CTNNA2: variants seen among roughly 807,000 people sequenced by gnomAD.
The protein encoded by CTNNA2 is catenin alpha 2, also known as catenin alpha-2.
In CTNNA2, 42 loss-of-function variants were observed where a neutral mutation model predicts 101.0. That is an observed-to-expected ratio of 0.42 (90% confidence interval 0.32 to 0.54). The LOEUF (loss-of-function observed/expected upper bound fraction) is 0.54, where lower values mean the gene tolerates loss of function less well. Ranked by LOEUF, CTNNA2 falls within the 20% of genes least tolerant of loss-of-function variation. The pLI, the probability that CTNNA2 is intolerant of heterozygous loss-of-function variation, is 0.14. For missense variants in CTNNA2, 871 were observed against 1,223.1 expected, an observed-to-expected ratio of 0.71 and a Z score of 4.29; for synonymous variants, 450 against 456.4, an observed-to-expected ratio of 0.99 and a Z score of 0.18.
At chr2:80,463,306 T>C (rs6715806) in intron 9 of CTNNA2, among the ~76,000 whole-genome samples, 53,701 of 152,018 alleles carry the variant, frequency 0.35, 10,443 homozygotes, top group East Asian at 0.75. Context: ...ACACCCCCCT[T>C]AATAGTCGCC....
intron 7 of CTNNA2, among the ~76,000 whole-genome samples, chr2:80,329,622 C>T (rs755579790): frequency 5.3e-5 from 8 of 152,164 alleles, no homozygotes; most frequent in African/African-American, 7.2e-5. Flanking sequence ...CCTACCTTAA[C>T]AAGTCAGGAC....
At chr2:79,869,361 T>C (rs1682407268) in intron 4 of CTNNA2, among the ~76,000 whole-genome samples, 1 of 152,248 alleles carries the variant, frequency 6.6e-6, no homozygotes, top group Non-Finnish European at 1.5e-5. Context: ...GTGCTAGAGA[T>C]GTTGTCAACA....
intron 1 of CTNNA2, among the ~76,000 whole-genome samples, chr2:79,522,711 C>T (rs1031100328): frequency 1.3e-5 from 2 of 152,120 alleles, no homozygotes; most frequent in Non-Finnish European, 2.9e-5. Context: ...AAATCACATT[C>T]AGGAGAACTA....
intron 7 of CTNNA2, among the ~76,000 whole-genome samples, chr2:80,326,970 T>TTC (rs967665675): frequency 1.8e-4 from 27 of 152,158 alleles, no homozygotes; most frequent in Non-Finnish European, 3.2e-4. Flanking sequence ...GAAACCTGGT[T>TTC]TCTCTCTCTA....
intron 3 of CTNNA2, among the ~76,000 whole-genome samples, chr2:79,332,339 T>C (rs1442459516): frequency 6.6e-6 from 1 of 150,420 alleles, no homozygotes; most frequent in Non-Finnish European, 1.5e-5. Flanking sequence ...ACTTCTGGAA[T>C]TAAGCAATGT....
intron 7 of CTNNA2, among the ~76,000 whole-genome samples, chr2:80,306,724 G>A (rs532757688): frequency 6.6e-5 from 10 of 151,978 alleles, no homozygotes; most frequent in Admixed American, 3.9e-4. Flanking sequence ...GGAGGCACCC[G>A]CAGGGTTAAA....
intron 4 of CTNNA2, among the ~76,000 whole-genome samples, chr2:79,436,917 C>T (rs1276335161): frequency 1.3e-5 from 2 of 151,922 alleles, no homozygotes; most frequent in African/African-American, 4.8e-5. Context: ...AGGCGTGAGC[C>T]ACCATGCCCG....
At chr2:80,076,445 G>A (rs1698757626) in intron 7 of CTNNA2, among the ~76,000 whole-genome samples, 1 of 151,702 alleles carries the variant, frequency 6.6e-6, no homozygotes, top group South Asian at 2.1e-4. Context: ...TGCCTGGCTA[G>A]TTTTTCTTTC....
intron 12 of CTNNA2, among the ~76,000 whole-genome samples, chr2:80,565,597 G>A (rs2149683691): frequency 6.6e-5 from 1 of 15,152 alleles, no homozygotes; most frequent in South Asian, 1.1e-3. Flanking sequence ...ATTTTGCCTG[G>A]TAGAAACAGT....
At chr2:79,983,877 C>T (rs986379058) in intron 7 of CTNNA2, among the ~76,000 whole-genome samples, 32 of 152,216 alleles carry the variant, frequency 2.1e-4, no homozygotes, top group African/African-American at 6.3e-4. Context: ...AACTGACTCA[C>T]GTTTATACCA....
chr2:80,092,489 T>C (rs557261255), intron 7 of CTNNA2, among the ~76,000 whole-genome samples: 35 of 152,208 alleles, frequency 2.3e-4, no homozygotes, highest in African/African-American at 8.2e-4. Context: ...GGATTTTCTT[T>C]AGAGTGATGA....
chr2:80,596,052 G>C (rs779962732), intron 15 of CTNNA2, among the ~76,000 whole-genome samples: 43 of 151,912 alleles, frequency 2.8e-4, no homozygotes, highest in Non-Finnish European at 7.4e-5. Flanking sequence ...GCAGTGGTTT[G>C]TAGTTCTCAT....
At chr2:79,372,968 A>G (rs772683049) in intron 3 of CTNNA2, among the ~76,000 whole-genome samples, 5 of 152,218 alleles carry the variant, frequency 3.3e-5, no homozygotes. Context: ...ACTGGGAAAT[A>G]TAGCTCCCTA....
chr2:80,179,096 T>TCA, intron 7 of CTNNA2, among the ~76,000 whole-genome samples: 1 of 152,228 alleles, frequency 6.6e-6, no homozygotes, highest in Non-Finnish European at 1.5e-5. Context: ...TTGCTGGTCT[T>TCA]GACAGCTGAA....
At chr2:79,522,745 C>T (rs975944087) in intron 1 of CTNNA2, among the ~76,000 whole-genome samples, 4 of 152,172 alleles carry the variant, frequency 2.6e-5, no homozygotes, top group Admixed American at 1.3e-4. Context: ...GATAACTACT[C>T]GGTAGGTAGC....
intron 3 of CTNNA2, among the ~76,000 whole-genome samples, chr2:79,369,350 G>A (rs74752542): frequency 3.9e-5 from 6 of 152,106 alleles, no homozygotes; most frequent in Admixed American, 2.6e-4. Context: ...AGCTTCCCCC[G>A]CAGCCCCCGA....
At chr2:79,359,446 T>A (rs538161617) in intron 3 of CTNNA2, among the ~76,000 whole-genome samples, 1 of 152,316 alleles carries the variant, frequency 6.6e-6, no homozygotes, top group South Asian at 2.1e-4. Flanking sequence ...CTGAGATTCT[T>A]TCTGTTGCCT....
At chr2:79,312,150 C>T (rs1015055575) in intron 2 of CTNNA2, among the ~76,000 whole-genome samples, 12 of 152,090 alleles carry the variant, frequency 7.9e-5, no homozygotes, top group African/African-American at 2.9e-4. Flanking sequence ...CTCAAGCGAT[C>T]TTCCTACCTC....
Position 80,131,923 on chromosome 2 carries a change from A to C in CTNNA2, c.1056+222126A>C, listed in dbSNP as rs187671479. 7.1e-4 allele frequency among the ~76,000 whole-genome samples: 108 copies of C among 152,172 alleles called. No individual in the cohort carries two copies. In the East Asian group the frequency reaches 0.02, roughly 29 times the overall value. ...TGGTGAAACCCCATCTCTACTAAAA[A>C]TACAAAAATTAGCCAGACGTGGTGG... On this transcript the variant is annotated intron_variant, in intron 7 of 18. Coordinates refer to ENST00000402739, the MANE Select transcript of CTNNA2 (RefSeq NM_001282597.3).
Sources: allele counts gnomAD v4.1 joint callset (sites outside exome capture counted in the v4.1 genomes callset), GRCh38; gene constraint gnomAD v4.1.1; transcripts MANE v1.5; gene names NCBI Gene and HGNC (gene_info 2026-07-23, HGNC 2026-07-21).